Variants in L3MBTL1 observed in about 807,000 individuals in gnomAD.
L3MBTL1 encodes the protein lethal(3)malignant brain tumor-like protein 1.
In L3MBTL1, 75 loss-of-function variants were observed where a neutral mutation model predicts 105.3. The observed-to-expected ratio is 0.71, with a 90% confidence interval of 0.59 to 0.86. L3MBTL1 has a LOEUF of 0.86. Among genes scored for constraint, L3MBTL1 ranks in the 40% least tolerant of loss-of-function variants. The pLI is 0.00. For missense variants in L3MBTL1, 1,069 were observed against 1,126.4 expected, an observed-to-expected ratio of 0.95 and a Z score of 0.73; for synonymous variants, 452 against 436.2, an observed-to-expected ratio of 1.04 and a Z score of -0.45.
chr20:43,533,395 G>A lies in L3MBTL1; in HGVS notation c.1490G>A (p.Gly497Glu), dbSNP rs1402207286. The A allele has an allele frequency of 1.2e-6, 2 of 1,613,728 alleles. No homozygotes were observed. Among genetic ancestry groups the A allele is most frequent in the East Asian group, 4.5e-5 (2 of 44,836 alleles). ...CCAGTGGGCTGGTGCCAGAAGCAAG[G>A]AAAGCCCCTCACCCCTCCACAAGGT... ...IHPVGWCQKQ[G>E]KPLTPPQDYP... The change falls in exon 13 of 22, where the codon GGA (glycine) becomes GAA (glutamate). Residue 497 changes from glycine (G) to glutamate (E), a missense_variant. By Grantham distance (98) the Gly-to-Glu change is moderately conservative (BLOSUM62 -2). Coordinates refer to ENST00000418998, the MANE Select transcript of L3MBTL1 (RefSeq NM_001377303.1).
intron 19 of L3MBTL1, chr20:43,538,952 G>A (rs1437761661): frequency 1.3e-5 from 2 of 152,552 alleles, no homozygotes; most frequent in Non-Finnish European, 1.5e-5. Flanking sequence ...TGCCCCAGAC[G>A]GGCCATGAGA....
At chr20:43,545,052 T>C (rs1308328695), downstream of L3MBTL1, among the ~76,000 whole-genome samples, 2 of 152,082 alleles carry the variant, frequency 1.3e-5, no homozygotes. Flanking sequence ...CTTCATATCC[T>C]GAACTTCGAG....
At chr20:43,526,043 A>G (rs1345075769) in intron 7 of L3MBTL1, among the ~76,000 whole-genome samples, 2 of 152,080 alleles carry the variant, frequency 1.3e-5, no homozygotes, top group Non-Finnish European at 2.9e-5. Context: ...GTAAGAGATA[A>G]TGGCAGATAA....
In L3MBTL1 at chr20:43,515,367, C is replaced by T. The variant is rs753367902; in HGVS notation, c.729C>T (p.Arg243=). The T allele has an allele frequency of 1.3e-6, 2 of 1,562,602 alleles. No individual in the cohort carries two copies. Among genetic ancestry groups the T allele is most frequent in the South Asian group, 2.3e-5 (2 of 85,112 alleles). ...ELLKPMKKRK[R]REYQSPSEEE... is the part of the protein sequence containing the mutation. Reference sequence around the variant, plus strand: ...TCAAACCCATGAAGAAGAGGAAGCGCAGGGAATACCAGAGCCCATCAGAGG... The same window carrying T: ...TCAAACCCATGAAGAAGAGGAAGCGTAGGGAATACCAGAGCCCATCAGAGG... The change falls in exon 6 of 22, where the codon CGC becomes CGT. Residue 243 remains arginine, a synonymous_variant. Transcript: ENST00000418998.
intron 1 of L3MBTL1, among the ~76,000 whole-genome samples, chr20:43,512,640 T>C (rs1171427232): frequency 6.6e-6 from 1 of 152,264 alleles, no homozygotes; most frequent in African/African-American, 2.4e-5. Flanking sequence ...AGTTTAAGTA[T>C]TGGACATTCT....
intron 7 of L3MBTL1, among the ~76,000 whole-genome samples, chr20:43,517,945 C>T (rs1037943016): frequency 6.6e-6 from 1 of 152,204 alleles, no homozygotes; most frequent in Non-Finnish European, 1.5e-5. Context: ...AGGTTTAGCT[C>T]TCTTTGGTTT....
At chr20:43,517,339 C>T (rs1468151993) in intron 7 of L3MBTL1, among the ~76,000 whole-genome samples, 2 of 152,168 alleles carry the variant, frequency 1.3e-5, no homozygotes, top group Admixed American at 1.3e-4. Flanking sequence ...AGGTTATCTG[C>T]CCACCTCAGC....
intron 20 of L3MBTL1, 132 bp downstream of exon 20, chr20:43,540,440 G>A: frequency 9.5e-7 from 1 of 1,052,972 alleles, no homozygotes; most frequent in African/African-American, 1.6e-5. Flanking sequence ...TCTGTCCTGT[G>A]CACAGTCCCT....
intron 2 of L3MBTL1, 92 bp downstream of exon 2, chr20:43,513,731 C>T: frequency 6.5e-7 from 1 of 1,536,502 alleles, no homozygotes; most frequent in South Asian, 1.2e-5. Flanking sequence ...TGACCGTTTT[C>T]ACTGTCCTCC....
At position 43,513,938 on chromosome 20, in the gene L3MBTL1, C is replaced by G. The variant is rs897464265; in HGVS notation, c.237C>G (p.Cys79Trp). The change falls in exon 3 of 22, where the codon TGC (cysteine) becomes TGG (tryptophan). Residue 79 changes from cysteine to tryptophan, a missense_variant. Cys to Trp is a radical substitution (Grantham distance 215). Transcript: ENST00000418998. ...GTGCCCCGGAGCAAGTGGCCGGCTGCGAACCAGTTTCTGCCACCGTCCTGC... is the reference window on the plus strand; with the variant it reads ...GTGCCCCGGAGCAAGTGGCCGGCTGGGAACCAGTTTCTGCCACCGTCCTGC... ...HVGAPEQVAG[C>W]EPVSATVLPQ... 2 of 1,550,034 alleles carry G rather than the reference C, an allele frequency of 1.3e-6. No individual in the cohort carries two copies. Among genetic ancestry groups the G allele is most frequent in the Admixed American group, 3.9e-5 (2 of 50,996 alleles).
At position 43,534,319 on chromosome 20, in the gene L3MBTL1, G is replaced by T. The variant is rs769891208; in HGVS notation, c.1635G>T (p.Leu545=). The T allele has an allele frequency of 4.3e-6, 7 of 1,614,144 alleles. No individual in the cohort carries two copies. In the East Asian group the frequency reaches 1.3e-4, roughly 31 times the overall value. ...ACAGCTTCCTGGTCAATATGAAGCT[G>T]GAGGCTGTGGACCGCAGGAACCCAG... ...PPHSFLVNMK[L]EAVDRRNPAL... The change falls in exon 15 of 22, where the codon CTG becomes CTT. Residue 545 remains leucine, a synonymous_variant. Coordinates refer to ENST00000418998, the MANE Select transcript of L3MBTL1 (RefSeq NM_001377303.1).
chr20:43,513,382 A>G, intron 1 of L3MBTL1, 94 bp from the exon 2 acceptor site: 1 of 1,287,504 alleles, frequency 7.8e-7, no homozygotes, highest in Non-Finnish European at 1.1e-6. Context: ...GAAGGTGGCT[A>G]GCTTCTCAAA....
chr20:43,532,999 C>G (rs957435435), intron 12 of L3MBTL1, 75 bp downstream of exon 12: 1 of 1,429,578 alleles, frequency 7.0e-7, no homozygotes, highest in Non-Finnish European at 9.8e-7. Flanking sequence ...ATCTCAGGTA[C>G]CATGTGGCAC....
intron 1 of L3MBTL1, among the ~76,000 whole-genome samples, chr20:43,507,994 G>A (rs1403759819): frequency 6.6e-6 from 1 of 152,156 alleles, no homozygotes; most frequent in Non-Finnish European, 1.5e-5. Flanking sequence ...CGTGGCTTCG[G>A]GCTGCGATCA....
At chr20:43,521,769 C>G (rs1400038213) in intron 7 of L3MBTL1, among the ~76,000 whole-genome samples, 1 of 152,078 alleles carries the variant, frequency 6.6e-6, no homozygotes, top group African/African-American at 2.4e-5. Context: ...CCCAGACTGG[C>G]CTTAAACTCC....
chr20:43,518,851 C>CAAAAAAAAA (rs34529936), intron 7 of L3MBTL1, among the ~76,000 whole-genome samples: 12 of 33,292 alleles, frequency 3.6e-4, no homozygotes, highest in African/African-American at 7.2e-4. Context: ...ACTAAAAATA[C>CAAAAAAAAA]AAAAAAAAAA....
At chr20:43,522,374 A>G (rs1165475172) in intron 7 of L3MBTL1, among the ~76,000 whole-genome samples, 2 of 151,840 alleles carry the variant, frequency 1.3e-5, no homozygotes, top group African/African-American at 4.8e-5. Flanking sequence ...ATACAGAAAG[A>G]AGATATAATA....
intron 7 of L3MBTL1, among the ~76,000 whole-genome samples, chr20:43,528,229 T>C (rs2019134842): frequency 6.6e-6 from 1 of 152,202 alleles, no homozygotes; most frequent in Admixed American, 6.5e-5. Flanking sequence ...CACTTCTTCC[T>C]ATTTTCATGT....
Position 43,532,763 on chromosome 20 carries a change from T to A in L3MBTL1, c.1285-10T>A, listed in dbSNP as rs1600943453. 6.2e-7 allele frequency: 1 copy of A among 1,614,120 alleles called. No individual in the cohort carries two copies. The highest frequency in any genetic ancestry group is 8.5e-7 in the Non-Finnish European group (1 of 1,179,978). On this transcript the variant is annotated splice_polypyrimidine_tract_variant and intron_variant, in intron 11 of 21. Coordinates refer to ENST00000418998, the MANE Select transcript of L3MBTL1 (RefSeq NM_001377303.1). ...GGCCCTGGCCGTGGCAGCTCCTTTT[T>A]TTCCCCTAGAGTCCCCCACCCCTGG... is the stretch of plus-strand genomic sequence containing the variant.
Sources: gnomAD v4.1 joint callset for allele counts (sites outside exome capture counted in the v4.1 genomes callset) on GRCh38, gnomAD v4.1.1 for gene constraint, MANE v1.5 for transcripts, NCBI Gene and HGNC (gene_info 2026-07-23, HGNC 2026-07-21) for gene names.